Variants in ATP2B2 observed in about 807,000 individuals in gnomAD.
The protein encoded by ATP2B2 is plasma membrane calcium-transporting ATPase 2.
A neutral mutation model predicts 120.0 loss-of-function variants in ATP2B2; 15 were observed. The ratio of observed to expected loss-of-function variants is 0.12; its 90% CI spans 0.08 to 0.19. The LOEUF (loss-of-function observed/expected upper bound fraction) is 0.19, where lower values mean the gene tolerates loss of function less well. Among genes scored for constraint, ATP2B2 ranks in the 10% least tolerant of loss-of-function variants. The probability of loss-of-function intolerance (pLI) is 1.00; values close to 1 mark genes in which losing one functional copy is unlikely to be tolerated. For synonymous variants in ATP2B2, 694 were observed against 700.3 expected (o/e 0.99, Z 0.14); for missense variants, 1,045 against 1,719.8 (o/e 0.61, Z 6.94).
At chr3:10,477,086 A>AT (rs2065232502) in intron 1 of ATP2B2, among the ~76,000 whole-genome samples, 1 of 152,228 alleles carries the variant, frequency 6.6e-6, no homozygotes, top group African/African-American at 2.4e-5. Flanking sequence ...AAGGAGCCTA[A>AT]TGTGTGGCTT....
chr3:10,418,268 A>G (rs2062856160), intron 2 of ATP2B2, among the ~76,000 whole-genome samples: 1 of 152,208 alleles, frequency 6.6e-6, no homozygotes, highest in South Asian at 2.1e-4. Flanking sequence ...GTATGAGACA[A>G]CTTTTATAAG....
chr3:10,567,879 A>G (rs919828475), intron 2 of ATP2B2, among the ~76,000 whole-genome samples: 3 of 152,156 alleles, frequency 2.0e-5, no homozygotes, highest in Non-Finnish European at 2.9e-5. Context: ...TTTCATGGTG[A>G]GGATTGATGA....
At chr3:10,488,535 CTTCCTTCCTTCCT>C (rs2065816469) in intron 1 of ATP2B2, among the ~76,000 whole-genome samples, 1 of 148,940 alleles carries the variant, frequency 6.7e-6, no homozygotes, top group Non-Finnish European at 1.5e-5. Context: ...TCCTTCTTTC[CTTCCTTCCTTCCT>C]TTCCTTCCTT....
chr3:10,701,490 G>C (rs2071816549), intron 1 of ATP2B2, among the ~76,000 whole-genome samples: 1 of 152,214 alleles, frequency 6.6e-6, no homozygotes, highest in Non-Finnish European at 1.5e-5. Context: ...ATCCTAGAGA[G>C]TTGTTTTCAT....
chr3:10,358,048 C>G (rs1031579217), intron 14 of ATP2B2, among the ~76,000 whole-genome samples: 10 of 152,238 alleles, frequency 6.6e-5, no homozygotes, highest in African/African-American at 2.4e-4. Context: ...CTCCCTTGAT[C>G]CTTGTGAAGT....
rs139459100 is a variant in ATP2B2 at position 10,375,493 on chromosome 3, C to T, written c.1353G>A (p.Leu451=). The change falls in exon 11 of 23, where the codon CTG becomes CTA. Residue 451 remains leucine, a synonymous_variant. Transcript: ENST00000360273. The surrounding 1 kb of genome is among the most constrained non-coding windows in gnomAD (Gnocchi z 4.2). ...VKFFIIGVTV[L]VVAVPEGLPL... is the part of the protein sequence containing the mutation. ...GGAGCCCCTCGGGCACGGCGACCAC[C>T]AGCACCGTCACGCCAATGATGAAGA... 1.3e-3 allele frequency: 2,165 copies of T among 1,613,702 alleles called. 12 individuals carry two copies. The Middle Eastern group carries it at 0.015, about 11-fold the overall frequency.
At chr3:10,601,067 G>A (rs1239205129) in intron 2 of ATP2B2, among the ~76,000 whole-genome samples, 6 of 152,220 alleles carry the variant, frequency 3.9e-5, no homozygotes, top group Non-Finnish European at 8.8e-5. Context: ...GTGGGTCTGT[G>A]AGCCTACTGT....
At chr3:10,548,414 C>T (rs374068078) in intron 2 of ATP2B2, among the ~76,000 whole-genome samples, 15 of 152,206 alleles carry the variant, frequency 9.9e-5, no homozygotes, top group African/African-American at 3.4e-4. Context: ...CTCACCAACC[C>T]CAGCAGCTCT....
intron 9 of ATP2B2, among the ~76,000 whole-genome samples, chr3:10,378,932 T>C (rs559780169): frequency 6.6e-6 from 1 of 152,218 alleles, no homozygotes; most frequent in East Asian, 1.9e-4. Context: ...GTGACCCTTT[T>C]GGACAGAGAC....
chr3:10,673,953 C>T (rs1479707610), intron 1 of ATP2B2, among the ~76,000 whole-genome samples: 1 of 151,382 alleles, frequency 6.6e-6, no homozygotes, highest in South Asian at 2.1e-4. Flanking sequence ...ATTTTTCCTG[C>T]TATTTTCTCA....
At chr3:10,617,245 C>T (rs1204083647) in intron 2 of ATP2B2, among the ~76,000 whole-genome samples, 4 of 152,198 alleles carry the variant, frequency 2.6e-5, no homozygotes, top group Non-Finnish European at 5.9e-5. Flanking sequence ...AAAGAGGAAA[C>T]TTTTTAAAAG....
chr3:10,330,551 T>C (rs151099298), intron 22 of ATP2B2, among the ~76,000 whole-genome samples: 95 of 152,342 alleles, frequency 6.2e-4, no homozygotes, highest in Non-Finnish European at 9.1e-4. Flanking sequence ...CAAGGCGGCG[T>C]TGGCGCCTCC....
chr3:10,385,473 T>G, intron 7 of ATP2B2, 146 bp from the exon 8 acceptor site: 2 of 697,490 alleles, frequency 2.9e-6, no homozygotes, highest in Non-Finnish European at 5.0e-6. Flanking sequence ...AAACTCAAAT[T>G]TGGGGTGGGG....
chr3:10,640,771 C>T (rs978877752), intron 1 of ATP2B2, among the ~76,000 whole-genome samples: 2 of 152,026 alleles, frequency 1.3e-5, no homozygotes, highest in Non-Finnish European at 2.9e-5. Flanking sequence ...AAGAGTAACA[C>T]GGAGGCATGG....
Position 10,327,035 on chromosome 3 carries a change from T to C in ATP2B2, c.*1779A>G, listed in dbSNP as rs1357314343. 2.3e-5 allele frequency: 9 copies of C among 396,670 alleles called. No individual in the cohort carries two copies. Among genetic ancestry groups the C allele is most frequent in the Non-Finnish European group, 4.0e-5 (9 of 225,204 alleles). The allele number at this position is 396,670 out of a possible 1,614,324, so 24.6% of individuals were successfully genotyped here. On this transcript the variant is annotated 3_prime_UTR_variant, in exon 23 of 23. Transcript: ENST00000360273. ...ACATCATCGATCATGGTATTCAAAA[T>C]GTCTTTTGCACTGTACAAGTTTATG...
At chr3:10,520,993 A>G (rs1030051803) in intron 3 of ATP2B2, among the ~76,000 whole-genome samples, 1 of 152,212 alleles carries the variant, frequency 6.6e-6, no homozygotes, top group Non-Finnish European at 1.5e-5. Context: ...TTTCCAGCTA[A>G]TAACAGGGCA....
chr3:10,408,832 G>C (rs972474888), intron 3 of ATP2B2, among the ~76,000 whole-genome samples: 1 of 152,150 alleles, frequency 6.6e-6, no homozygotes, highest in Non-Finnish European at 1.5e-5. Context: ...TACTGAATTG[G>C]GTTGCATGAG....
At chr3:10,501,817 C>T (rs973455584) in intron 1 of ATP2B2, among the ~76,000 whole-genome samples, 1 of 152,150 alleles carries the variant, frequency 6.6e-6, no homozygotes, top group African/African-American at 2.4e-5. Context: ...GTCTAGGCCA[C>T]CCCCAGCTCT....
Position 10,430,841 on chromosome 3 carries a change from G to A in ATP2B2, c.199+18504C>T, listed in dbSNP as rs73814221. Among the ~76,000 whole-genome samples the A allele has an allele frequency of 7.6e-3, 1,157 of 151,278 alleles. 19 individuals carry two copies. Among genetic ancestry groups the A allele is most frequent in the African/African-American group, 0.026 (1,071 of 41,292 alleles). On this transcript the variant is annotated intron_variant, in intron 2 of 22. Transcript: ENST00000360273. ...CCTATTTTCCCTGGGGTTGGCCACA[G>A]TTCTGTGACCCCTTTTCTTTACTGG...
Sources: allele counts gnomAD v4.1 joint callset (sites outside exome capture counted in the v4.1 genomes callset), GRCh38; gene constraint gnomAD v4.1.1; non-coding constraint Gnocchi (gnomAD v3.1); transcripts MANE v1.5; gene names NCBI Gene and HGNC (gene_info 2026-07-23, HGNC 2026-07-21).